ABCB1: variants seen among roughly 807,000 people sequenced by gnomAD.
ABCB1 encodes the protein ATP-dependent translocase ABCB1.
Under a neutral mutation model 142.0 loss-of-function variants are expected in ABCB1, and 69 were observed. The ratio of observed to expected loss-of-function variants is 0.49; its 90% confidence interval spans 0.40 to 0.59. The LOEUF is 0.59. ABCB1 is among the 20% of genes least tolerant of loss of function. ABCB1 has a pLI of 0.00. For synonymous variants in ABCB1, 532 were observed against 539.2 expected (o/e 0.99, Z 0.18); for missense variants, 1,326 against 1,554.7 (o/e 0.85, Z 2.47).
At chr7:87,629,142 T>G in intron 1 of ABCB1, 1 of 439,362 alleles carries the variant, frequency 2.3e-6, no homozygotes, top group East Asian at 3.6e-5. Context: ...CCCTGGACTT[T>G]GTGTCAGTTC....
chr7:87,585,786 C>T lies in ABCB1; in HGVS notation c.118-106G>A, dbSNP rs116788440. Reference sequence around the variant, plus strand: ...CAAAATCCAAACATTTTTCAGACTACTACTGATACCAACCTAGTCCAAGAC... The same window carrying T: ...CAAAATCCAAACATTTTTCAGACTATTACTGATACCAACCTAGTCCAAGAC... On this transcript the variant is annotated intron_variant, in intron 3 of 27. Transcript: ENST00000622132. 4.5e-4 allele frequency: 531 copies of T among 1,178,608 alleles called. No homozygotes were observed. The African/African-American group carries it at 7.4e-3, about 16-fold the overall frequency. The allele number at this position is 1,178,608 out of a possible 1,614,324, so 73.0% of individuals were successfully genotyped here. A position where few individuals can be genotyped will look rare whatever the true frequency, so the allele number is the denominator to read the frequency against.
intron 1 of ABCB1, among the ~76,000 whole-genome samples, chr7:87,626,355 G>C (rs1020119211): frequency 1.0e-4 from 3 of 28,758 alleles, no homozygotes; most frequent in Non-Finnish European, 1.6e-4. Flanking sequence ...TCATATATAT[G>C]TGTCATATAT....
intron 5 of ABCB1, 68 bp from the exon 6 acceptor site, chr7:87,567,044 C>T: frequency 6.9e-7 from 1 of 1,454,652 alleles, no homozygotes; most frequent in African/African-American, 1.4e-5. Context: ...CCAAAGAGAC[C>T]ACTCATTCCT....
intron 1 of ABCB1, among the ~76,000 whole-genome samples, chr7:87,678,393 T>C (rs984361819): frequency 6.6e-6 from 1 of 152,234 alleles, no homozygotes; most frequent in Non-Finnish European, 1.5e-5. Context: ...GTTGAAATGC[T>C]AAAATGTTAA....
intron 14 of ABCB1, among the ~76,000 whole-genome samples, chr7:87,548,266 G>A (rs1816895437): frequency 7.0e-6 from 1 of 142,624 alleles, no homozygotes; most frequent in Admixed American, 7.0e-5. Context: ...GAAGGGAAGG[G>A]AAAGGAAATG....
At chr7:87,573,465 C>G (rs913373022) in intron 4 of ABCB1, among the ~76,000 whole-genome samples, 7 of 152,216 alleles carry the variant, frequency 4.6e-5, no homozygotes, top group Non-Finnish European at 8.8e-5. Context: ...CAAATCCTCT[C>G]CCTCTTCACA....
chr7:87,594,817 C>G (rs545163474), intron 3 of ABCB1, among the ~76,000 whole-genome samples: 3 of 152,220 alleles, frequency 2.0e-5, no homozygotes, highest in African/African-American at 7.2e-5. Flanking sequence ...TTTTTCCCTA[C>G]CTACAACTAT....
At chr7:87,562,368 C>A (rs569249133) in intron 7 of ABCB1, among the ~76,000 whole-genome samples, 26 of 152,260 alleles carry the variant, frequency 1.7e-4, no homozygotes, top group Middle Eastern at 6.8e-3. Context: ...GGCTGTCCCA[C>A]CATATTTGCA....
At chr7:87,645,820 G>A (rs539943048) in intron 1 of ABCB1, among the ~76,000 whole-genome samples, 5 of 152,282 alleles carry the variant, frequency 3.3e-5, no homozygotes, top group African/African-American at 1.2e-4. Flanking sequence ...TGAGTATTGA[G>A]TGGGAAGAAT....
intron 1 of ABCB1, among the ~76,000 whole-genome samples, chr7:87,683,706 C>T (rs1450568662): frequency 6.6e-6 from 1 of 151,910 alleles, no homozygotes; most frequent in Non-Finnish European, 1.5e-5. Context: ...ATAACAGATA[C>T]AATAATAATG....
chr7:87,678,365 T>C (rs1293766817), intron 1 of ABCB1, among the ~76,000 whole-genome samples: 2 of 152,224 alleles, frequency 1.3e-5, no homozygotes, highest in Admixed American at 6.5e-5. Context: ...AAGGGAACTA[T>C]GTGGTTATAT....
At chr7:87,587,577 G>A (rs915586624) in intron 3 of ABCB1, among the ~76,000 whole-genome samples, 14 of 152,098 alleles carry the variant, frequency 9.2e-5, no homozygotes, top group Admixed American at 5.2e-4. Context: ...AGCTTTGAAA[G>A]TTTACCAAGT....
At chr7:87,519,194 G>T in intron 23 of ABCB1, 132 bp downstream of exon 23, 1 of 863,512 alleles carries the variant, frequency 1.2e-6, no homozygotes. Context: ...AGACTCAGAG[G>T]CAGAAATGCC....
chr7:87,652,257 A>G (rs570739198), intron 1 of ABCB1, among the ~76,000 whole-genome samples: 5 of 152,192 alleles, frequency 3.3e-5, no homozygotes, highest in Non-Finnish European at 7.4e-5. Context: ...AAAAACTATC[A>G]ATAGAAAACT....
chr7:87,698,916 G>C (rs1309183894), intron 1 of ABCB1, among the ~76,000 whole-genome samples: 3 of 152,186 alleles, frequency 2.0e-5, no homozygotes, highest in Admixed American at 6.5e-5. Context: ...ATCATGACTT[G>C]TAGGATTTCT....
chr7:87,634,153 AC>A (rs1821501922), intron 1 of ABCB1, among the ~76,000 whole-genome samples: 1 of 152,138 alleles, frequency 6.6e-6, no homozygotes, highest in Admixed American at 6.6e-5. Flanking sequence ...GAACTGGCTC[AC>A]TAGTGGGTGA....
At chr7:87,670,233 G>T (rs1825688889) in intron 1 of ABCB1, among the ~76,000 whole-genome samples, 1 of 152,154 alleles carries the variant, frequency 6.6e-6, no homozygotes. Context: ...TTCAGGTGCT[G>T]AGATTCTTTT....
chr7:87,530,418 A>C (rs932318850), intron 21 of ABCB1, among the ~76,000 whole-genome samples: 1 of 152,168 alleles, frequency 6.6e-6, no homozygotes, highest in Non-Finnish European at 1.5e-5. Flanking sequence ...TATCAGCTCT[A>C]AAGTCCAGAG....
chr7:87,538,293 A>C (rs1816383607), intron 19 of ABCB1, among the ~76,000 whole-genome samples: 1 of 152,218 alleles, frequency 6.6e-6, no homozygotes, highest in East Asian at 1.9e-4. Context: ...TCGACCTGAC[A>C]GTCCAAGGAC....
Sources: allele counts gnomAD v4.1 joint callset (sites outside exome capture counted in the v4.1 genomes callset), GRCh38; gene constraint gnomAD v4.1.1; transcripts MANE v1.5; gene names NCBI Gene and HGNC (gene_info 2026-07-23, HGNC 2026-07-21).